The following PANK3 variants were observed in gnomAD, a reference collection of about 807,000 sequenced individuals.
PANK3 encodes the protein hPanK3.
A neutral mutation model predicts 39.4 loss-of-function variants in PANK3; 20 were observed. The ratio of observed to expected loss-of-function variants is 0.51; its 90% CI spans 0.36 to 0.74. The LOEUF (loss-of-function observed/expected upper bound fraction) is 0.74, where lower values mean the gene tolerates loss of function less well. PANK3 is among the 30% of genes least tolerant of loss of function. The pLI, the probability that PANK3 is intolerant of heterozygous loss-of-function variation, is 0.00. For missense variants in PANK3, 265 were observed against 437.0 expected (o/e 0.61, Z 3.51); for synonymous variants, 140 against 157.3 (o/e 0.89, Z 0.82).
At chr5:168,567,984 A>G (rs1759563342) in intron 2 of PANK3, among the ~76,000 whole-genome samples, 1 of 152,206 alleles carries the variant, frequency 6.6e-6, no homozygotes, top group African/African-American at 2.4e-5. Flanking sequence ...GCCATTCTTT[A>G]TTCTAATAGA....
In PANK3 at chr5:168,568,579, A is replaced by G. The variant is rs148664216; in HGVS notation, c.381+67T>C. On this transcript the variant is annotated intron_variant, in intron 2 of 6. Transcript: ENST00000239231. ...TGCAGGGAGAATTAAGGAACATGCTAGATGGAAACCTACTCTCATATTTAA... is the reference window on the plus strand; with the variant it reads ...TGCAGGGAGAATTAAGGAACATGCTGGATGGAAACCTACTCTCATATTTAA... 355 of 1,173,684 alleles carry G rather than the reference A, an allele frequency of 3.0e-4. 2 individuals are homozygous for G. The African/African-American group carries it at 4.8e-3, about 16-fold the overall frequency. 72.7% of individuals were successfully genotyped at this position (1,173,684 alleles called of 1,614,324 possible). A position where few individuals can be genotyped will look rare whatever the true frequency, so the allele number is the denominator to read the frequency against.
rs1037423997 is a variant in PANK3, at chr5:168,551,801, T to C, written c.*5770A>G. 5 of 152,042 alleles carry C rather than the reference T, an allele frequency of 3.3e-5. No homozygotes were observed. Among genetic ancestry groups the C allele is most frequent in the African/African-American group, 1.2e-4 (5 of 41,386 alleles). 9.4% of individuals were successfully genotyped at this position (152,042 alleles called of 1,614,324 possible). ...AAAAACCTCAGAAATTTTTATAGAG[T>C]CTAATATTTGGCAAATAATCTGAAC... On this transcript the variant is annotated 3_prime_UTR_variant, in exon 7 of 7. Coordinates refer to ENST00000239231, the MANE Select transcript of PANK3 (RefSeq NM_024594.4).
At chr5:168,569,672 G>GA (rs1199940039) in intron 1 of PANK3, among the ~76,000 whole-genome samples, 1 of 152,068 alleles carries the variant, frequency 6.6e-6, no homozygotes, top group African/African-American at 2.4e-5. Context: ...CTAAGGGCAT[G>GA]AAAATCTTTG....
At chr5:168,558,153 CTTTTTTTTTTT>C (rs767440372) in intron 6 of PANK3, among the ~76,000 whole-genome samples, 63 of 115,292 alleles carry the variant, frequency 5.5e-4, no homozygotes, top group African/African-American at 2.1e-3. Flanking sequence ...GACATGGAAG[CTTTTTTTTTTT>C]TTTTTTTTTA....
intron 1 of PANK3, 55 bp from the exon 2 acceptor site, chr5:168,569,053 A>C: frequency 2.6e-6 from 1 of 383,636 alleles, no homozygotes; most frequent in Non-Finnish European, 3.9e-6. Flanking sequence ...ATATATATCC[A>C]TTTTAGAAAC....
At chr5:168,565,885 A>ATATATATATATATATATATATATTTTT (rs1441027360) in intron 3 of PANK3, 128 bp downstream of exon 3, 2 of 192,922 alleles carry the variant, frequency 1.0e-5, no homozygotes, top group African/African-American at 5.3e-5. Flanking sequence ...ATATATATAT[A>ATATATATATATATATATATATATTTTT]TTTTTTTTTT....
intron 3 of PANK3, 22 bp from the exon 4 acceptor site, chr5:168,564,087 G>C: frequency 6.4e-7 from 1 of 1,564,422 alleles, no homozygotes. Flanking sequence ...AAAGAAACTT[G>C]CTAAGTTGCA....
At position 168,556,658 on chromosome 5, in the gene PANK3, T is replaced by G. The variant is rs1472246366; in HGVS notation, c.*913A>C. On this transcript the variant is annotated 3_prime_UTR_variant, in exon 7 of 7. Transcript: ENST00000239231. ...GTAATAATAAGGCATGGTAGAGGTT[T>G]TCCCATTTTTCAGTGACTAGACTGT... is the stretch of plus-strand genomic sequence containing the variant. 6.6e-6 allele frequency: 1 copy of G among 152,660 alleles called. No individual in the cohort carries two copies. Among genetic ancestry groups the G allele is most frequent in the Admixed American group, 6.5e-5 (1 of 15,286 alleles). 9.5% of individuals were successfully genotyped at this position (152,660 alleles called of 1,614,324 possible). A position where few individuals can be genotyped will look rare whatever the true frequency, so the allele number is the denominator to read the frequency against.
chr5:168,569,348 C>T lies in PANK3; in HGVS notation c.29-350G>A, dbSNP rs1443573849. Reference sequence around the variant, plus strand: ...TACAGGTGCCCACCACCACGCCTGCCTAATTTTTTTTTTTTTTGTATTTTT... The same window carrying T: ...TACAGGTGCCCACCACCACGCCTGCTTAATTTTTTTTTTTTTTGTATTTTT... On this transcript the variant is annotated intron_variant, in intron 1 of 6. Coordinates refer to ENST00000239231, the MANE Select transcript of PANK3 (RefSeq NM_024594.4). 2.0e-5 allele frequency among the ~76,000 whole-genome samples: 3 copies of T among 150,728 alleles called. 1 individual carries two copies. The highest frequency in any genetic ancestry group is 4.4e-5 in the Non-Finnish European group (3 of 67,680).
Position 168,549,243 on chromosome 5 carries a change from T to C in PANK3, c.*8328A>G, listed in dbSNP as rs1759238843. 6.6e-6 allele frequency: 1 copy of C among 152,182 alleles called. No homozygotes were observed. Among genetic ancestry groups the C allele is most frequent in the Non-Finnish European group, 1.5e-5 (1 of 68,028 alleles). The allele number at this position is 152,182 out of a possible 1,614,324, so 9.4% of individuals were successfully genotyped here. On this transcript the variant is annotated 3_prime_UTR_variant, in exon 7 of 7. Coordinates refer to ENST00000239231, the MANE Select transcript of PANK3 (RefSeq NM_024594.4). ...GTTACTTCTATAAAGTTACCTTCTG[T>C]TTCTAAATGCTGTAAACTAAACTAA...
At chr5:168,577,559 G>A (rs1236752045) in intron 1 of PANK3, among the ~76,000 whole-genome samples, 1 of 151,836 alleles carries the variant, frequency 6.6e-6, no homozygotes, top group Non-Finnish European at 1.5e-5. Context: ...GGTTGGTCTC[G>A]AACTCCTGGC....
intron 1 of PANK3, among the ~76,000 whole-genome samples, chr5:168,570,317 G>A (rs1381106867): frequency 6.6e-5 from 10 of 151,452 alleles, no homozygotes; most frequent in African/African-American, 2.4e-4. Context: ...CCCGGGAGGT[G>A]GAGCTTGCAG....
chr5:168,561,956 T>C (rs957863912), intron 4 of PANK3, among the ~76,000 whole-genome samples: 2 of 152,136 alleles, frequency 1.3e-5, no homozygotes, highest in Non-Finnish European at 2.9e-5. Context: ...CACTGTCCAA[T>C]AGAAATAAAA....
chr5:168,560,095 T>A (rs1421253250), intron 5 of PANK3, among the ~76,000 whole-genome samples: 1 of 152,204 alleles, frequency 6.6e-6, no homozygotes, highest in Non-Finnish European at 1.5e-5. Flanking sequence ...CCTAAATTAT[T>A]GTTAACTCAA....
rs201726977 is a variant in PANK3 at position 168,570,396 on chromosome 5, A to AAAAGAAAG, written c.29-1406_29-1399dup. On this transcript the variant is annotated intron_variant, in intron 1 of 6. Coordinates refer to ENST00000239231, the MANE Select transcript of PANK3 (RefSeq NM_024594.4). Reference sequence around the variant, plus strand: ...CAAGACTCCGTCTCAAAAAAAAAAAAAAAGAAAGAAAGAAAGAAAGAAAGA... The same window carrying AAAAGAAAG: ...CAAGACTCCGTCTCAAAAAAAAAAAAAAAGAAAGAAAGAAAGAAAGAAAGAAAGAAAGA... Among the ~76,000 whole-genome samples the AAAAGAAAG allele has an allele frequency of 4.0e-5, 6 of 150,796 alleles. No individual in the cohort carries two copies. The South Asian group carries it at 6.3e-4, about 16-fold the overall frequency.
intron 1 of PANK3, among the ~76,000 whole-genome samples, chr5:168,570,559 G>A (rs1223441215): frequency 6.6e-6 from 1 of 152,028 alleles, no homozygotes; most frequent in African/African-American, 2.4e-5. Context: ...TTTTATATAA[G>A]TATAGATTAA....
intron 1 of PANK3, among the ~76,000 whole-genome samples, 182 bp from the exon 2 acceptor site, chr5:168,569,180 G>GTTT (rs544747926): frequency 9.6e-4 from 111 of 115,938 alleles, no homozygotes; most frequent in Middle Eastern, 5.1e-3. Flanking sequence ...TCCCTTCAAA[G>GTTT]TTTTTTTTTT....
intron 1 of PANK3, among the ~76,000 whole-genome samples, chr5:168,575,753 T>A (rs1759720277): frequency 6.6e-6 from 1 of 151,604 alleles, no homozygotes; most frequent in Admixed American, 6.6e-5. Flanking sequence ...GCCACTGCAC[T>A]CCAGCCTGGG....
rs1759257383 is a variant in PANK3 at position 168,550,335 on chromosome 5, T to TA, written c.*7235dup. 1 of 152,344 alleles carries TA rather than the reference T, an allele frequency of 6.6e-6. No individual in the cohort carries two copies. Among genetic ancestry groups the TA allele is most frequent in the African/African-American group, 2.4e-5 (1 of 41,586 alleles). 9.4% of individuals were successfully genotyped at this position (152,344 alleles called of 1,614,324 possible). The stretch of plus-strand genomic sequence containing the variant: ...AGGCGTATTAAATGTATTTTCAACT[T>TA]ACGGTATTTTCAATTTACAATGGGT... On this transcript the variant is annotated 3_prime_UTR_variant, in exon 7 of 7. Coordinates refer to ENST00000239231, the MANE Select transcript of PANK3 (RefSeq NM_024594.4).
Sources: gnomAD v4.1 joint callset for allele counts (sites outside exome capture counted in the v4.1 genomes callset) on GRCh38, gnomAD v4.1.1 for gene constraint, MANE v1.5 for transcripts, NCBI Gene and HGNC (gene_info 2026-07-23, HGNC 2026-07-21) for gene names.